The following RBFOX1 variants were observed in gnomAD, a reference collection of about 807,000 sequenced individuals.
RBFOX1 encodes the protein RNA binding protein fox-1 homolog 1.
A neutral mutation model predicts 57.7 loss-of-function variants in RBFOX1; 8 were observed. The ratio of observed to expected loss-of-function variants is 0.14; its 90% CI spans 0.08 to 0.25. RBFOX1 has a LOEUF of 0.25. Ranked by LOEUF, RBFOX1 falls within the 10% of genes least tolerant of loss-of-function variation. The pLI is 1.00. For synonymous variants in RBFOX1, 326 were observed against 222.4 expected (o/e 1.47, Z -4.15); for missense variants, 611 against 548.5 (o/e 1.11, Z -1.14).
At chr16:6,558,576 C>G (rs1313861796) in intron 2 of RBFOX1, among the ~76,000 whole-genome samples, 1 of 152,130 alleles carries the variant, frequency 6.6e-6, no homozygotes, top group African/African-American at 2.4e-5. Context: ...CAAATTGACA[C>G]ATGGGGCTTT....
At chr16:7,560,921 G>A (rs146654297) in intron 5 of RBFOX1, among the ~76,000 whole-genome samples, 15 of 152,190 alleles carry the variant, frequency 9.9e-5, no homozygotes, top group South Asian at 2.1e-4. Context: ...ACATATTCCC[G>A]TCTGGCCGAA....
chr16:6,154,226 C>T (rs2096823230), intron 1 of RBFOX1, among the ~76,000 whole-genome samples: 1 of 152,156 alleles, frequency 6.6e-6, no homozygotes, highest in African/African-American at 2.4e-5. Flanking sequence ...ACATTACTTG[C>T]CTTGCAAGGT....
chr16:7,707,076 C>T (rs536085087), intron 14 of RBFOX1, among the ~76,000 whole-genome samples: 1 of 152,180 alleles, frequency 6.6e-6, no homozygotes, highest in African/African-American at 2.4e-5. Flanking sequence ...GACAGATTCA[C>T]CTCAGAAGAG....
intron 2 of RBFOX1, among the ~76,000 whole-genome samples, chr16:6,539,543 A>G (rs1014524194): frequency 6.6e-6 from 1 of 152,030 alleles, no homozygotes; most frequent in East Asian, 1.9e-4. Context: ...CACACCTATA[A>G]TCCCAGCACA....
At chr16:5,719,368 ATTT>A (rs543029084) in intron 3 of RBFOX1, among the ~76,000 whole-genome samples, 4 of 142,948 alleles carry the variant, frequency 2.8e-5, no homozygotes, top group African/African-American at 1.0e-4. Context: ...TGCCCGGCTA[ATTT>A]TTTTTTTTTT....
intron 4 of RBFOX1, among the ~76,000 whole-genome samples, chr16:5,885,044 G>A (rs2057863489): frequency 6.6e-6 from 1 of 152,148 alleles, no homozygotes; most frequent in Admixed American, 6.5e-5. Context: ...TGTAATGCAT[G>A]GTCTCTGAGG....
At chr16:6,987,108 C>T (rs1462561173) in intron 3 of RBFOX1, among the ~76,000 whole-genome samples, 5 of 152,114 alleles carry the variant, frequency 3.3e-5, no homozygotes, top group South Asian at 2.1e-4. Flanking sequence ...CATTTATCAG[C>T]GTCTTGTGTG....
intron 4 of RBFOX1, among the ~76,000 whole-genome samples, chr16:7,415,562 C>G (rs973763412): frequency 2.0e-5 from 3 of 152,144 alleles, no homozygotes; most frequent in African/African-American, 7.2e-5. Context: ...ACTTTTCTGG[C>G]TTTGTGATTT....
chr16:6,673,625 T>C (rs2098781891), intron 3 of RBFOX1, among the ~76,000 whole-genome samples: 1 of 152,016 alleles, frequency 6.6e-6, no homozygotes, highest in Non-Finnish European at 1.5e-5. Context: ...TAGATATGTA[T>C]TGAACACAAA....
intron 2 of RBFOX1, among the ~76,000 whole-genome samples, chr16:6,566,190 C>G (rs929832058): frequency 6.6e-6 from 1 of 152,130 alleles, no homozygotes; most frequent in Non-Finnish European, 1.5e-5. Context: ...CAATCACCTC[C>G]GTTGTTTTGA....
At chr16:6,745,069 A>G (rs1384896333) in intron 3 of RBFOX1, among the ~76,000 whole-genome samples, 1 of 152,094 alleles carries the variant, frequency 6.6e-6, no homozygotes, top group Non-Finnish European at 1.5e-5. Context: ...ATTTTATGAT[A>G]TTAAGATTTA....
intron 3 of RBFOX1, among the ~76,000 whole-genome samples, chr16:6,780,528 AT>A (rs2080802294): frequency 1.6e-5 from 2 of 128,182 alleles, no homozygotes; most frequent in South Asian, 4.8e-4. Flanking sequence ...ATTTATATAT[AT>A]TTATATATAC....
At chr16:6,158,796 G>A (rs2096856675) in intron 1 of RBFOX1, among the ~76,000 whole-genome samples, 1 of 152,184 alleles carries the variant, frequency 6.6e-6, no homozygotes, top group African/African-American at 2.4e-5. Flanking sequence ...GGAAACTGGG[G>A]AGAGGGCACG....
chr16:7,692,704 C>G (rs775052101), intron 14 of RBFOX1, among the ~76,000 whole-genome samples: 9 of 152,062 alleles, frequency 5.9e-5, no homozygotes, highest in Non-Finnish European at 1.2e-4. Context: ...TCTGGGTTTA[C>G]TAAAAGTAAA....
chr16:6,848,303 C>T (rs1398817968), intron 3 of RBFOX1, among the ~76,000 whole-genome samples: 1 of 152,044 alleles, frequency 6.6e-6, no homozygotes, highest in South Asian at 2.1e-4. Context: ...CATAGTATGG[C>T]CAGGCTTTCT....
intron 3 of RBFOX1, among the ~76,000 whole-genome samples, chr16:5,742,171 G>T: frequency 6.6e-6 from 1 of 152,066 alleles, no homozygotes; most frequent in African/African-American, 2.4e-5. Context: ...GGGAAATTTG[G>T]GCATATCCGT....
rs35991387 is a variant in RBFOX1, at chr16:6,925,455, C to CATTTATTTATTTATTT, written c.-15-126590_-15-126575dup. Among the ~76,000 whole-genome samples, 363 of 147,466 alleles carry CATTTATTTATTTATTT rather than the reference C, an allele frequency of 2.5e-3. 4 individuals carry two copies. Among genetic ancestry groups the CATTTATTTATTTATTT allele is most frequent in the East Asian group, 9.0e-3 (44 of 4,912 alleles). On this transcript the variant is annotated intron_variant, in intron 3 of 15. Coordinates refer to ENST00000550418, the MANE Select transcript of RBFOX1 (RefSeq NM_018723.4). ...TTTTTAATGCGACTAATGGACTCCA[C>CATTTATTTATTTATTT]ATTTATTTATTTATTTATTTATTTA...
chr16:5,916,371 C>T (rs888141275), intron 4 of RBFOX1, among the ~76,000 whole-genome samples: 1 of 152,018 alleles, frequency 6.6e-6, no homozygotes, highest in South Asian at 2.1e-4. Flanking sequence ...CTCGGTTTCA[C>T]CTTCCTCCCT....
intron 1 of RBFOX1, among the ~76,000 whole-genome samples, chr16:6,307,740 C>T (rs189541389): frequency 7.0e-6 from 1 of 143,838 alleles, no homozygotes; most frequent in African/African-American, 2.5e-5. Context: ...TAATTATTTC[C>T]ATATTTTATA....
Sources: allele counts gnomAD v4.1 joint callset (sites outside exome capture counted in the v4.1 genomes callset), GRCh38; gene constraint gnomAD v4.1.1; transcripts MANE v1.5; gene names NCBI Gene and HGNC (gene_info 2026-07-23, HGNC 2026-07-21).